RGS7: variants seen among roughly 807,000 people sequenced by gnomAD.
RGS7 encodes the protein regulator of G-protein signaling 7.
Under a neutral mutation model 81.1 loss-of-function variants are expected in RGS7, and 27 were observed. The ratio of observed to expected loss-of-function variants is 0.33; its 90% CI spans 0.25 to 0.46. The LOEUF is 0.46. RGS7 is among the 20% of genes least tolerant of loss of function. The pLI is 1.00. For missense variants in RGS7, 396 were observed against 607.4 expected (o/e 0.65, Z 3.66); for synonymous variants, 208 against 207.7 (o/e 1.00, Z -0.01).
chr1:240,996,582 G>A (rs1448515707), intron 3 of RGS7, among the ~76,000 whole-genome samples: 1 of 152,048 alleles, frequency 6.6e-6, no homozygotes, highest in Non-Finnish European at 1.5e-5. Flanking sequence ...TTTCCTTGTG[G>A]TGACGTCTGC....
At chr1:241,011,968 T>C (rs753954317) in intron 3 of RGS7, among the ~76,000 whole-genome samples, 1 of 152,168 alleles carries the variant, frequency 6.6e-6, no homozygotes, top group Non-Finnish European at 1.5e-5. Flanking sequence ...AATAAAGCTG[T>C]TCTTTCTTAA....
At chr1:241,180,362 G>A (rs761017224) in intron 2 of RGS7, among the ~76,000 whole-genome samples, 2 of 151,792 alleles carry the variant, frequency 1.3e-5, no homozygotes, top group Non-Finnish European at 2.9e-5. Flanking sequence ...GCAACAGAGC[G>A]AGACTCCATC....
rs116986517 is a variant in RGS7 at position 240,995,750 on chromosome 1, A to G, written c.176-12621T>C. Among the ~76,000 whole-genome samples, 616 of 149,852 alleles carry G rather than the reference A, an allele frequency of 4.1e-3. 10 individuals are homozygous for G. The East Asian group carries it at 0.057, about 14-fold the overall frequency. On this transcript the variant is annotated intron_variant, in intron 3 of 18. Coordinates refer to ENST00000440928, the MANE Select transcript of RGS7 (RefSeq NM_001364886.1). The stretch of plus-strand genomic sequence containing the variant: ...TTGTTACAGAACTGTCAATTTATCA[A>G]TTTTTATAAAGAACCAGCTCTTTGT...
chr1:241,345,010 A>G (rs2082797995), intron 2 of RGS7, among the ~76,000 whole-genome samples: 1 of 152,264 alleles, frequency 6.6e-6, no homozygotes, highest in South Asian at 2.1e-4. Context: ...CAGACTGGAT[A>G]AAGAAAAATG....
intron 18 of RGS7, among the ~76,000 whole-genome samples, chr1:240,796,364 A>G (rs983047334): frequency 6.6e-6 from 1 of 152,168 alleles, no homozygotes; most frequent in African/African-American, 2.4e-5. Flanking sequence ...GCTCCTATCA[A>G]CATTTAAACA....
At chr1:241,344,335 T>C (rs1204118053) in intron 2 of RGS7, among the ~76,000 whole-genome samples, 1 of 152,228 alleles carries the variant, frequency 6.6e-6, no homozygotes, top group African/African-American at 2.4e-5. Context: ...TAAAATAAGG[T>C]AAAGAAAATT....
chr1:241,208,648 G>A (rs2074066533), intron 2 of RGS7, among the ~76,000 whole-genome samples: 1 of 151,954 alleles, frequency 6.6e-6, no homozygotes, highest in Non-Finnish European at 1.5e-5. Flanking sequence ...TTTCACCTGT[G>A]TCCCCCTCCC....
At chr1:241,353,952 A>G (rs965354960) in intron 2 of RGS7, among the ~76,000 whole-genome samples, 1 of 152,136 alleles carries the variant, frequency 6.6e-6, no homozygotes, top group African/African-American at 2.4e-5. Flanking sequence ...TGACTGAATG[A>G]CACACACTAG....
At chr1:240,901,197 C>T (rs1484474033) in intron 6 of RGS7, among the ~76,000 whole-genome samples, 1 of 152,198 alleles carries the variant, frequency 6.6e-6, no homozygotes, top group East Asian at 1.9e-4. Flanking sequence ...TCTATCACAG[C>T]TTCCCTTGGC....
chr1:241,202,025 C>G (rs939449792), intron 2 of RGS7, among the ~76,000 whole-genome samples: 1 of 151,570 alleles, frequency 6.6e-6, no homozygotes, highest in African/African-American at 2.4e-5. Context: ...CACACACACA[C>G]ACACACACAC....
At chr1:240,884,543 T>C (rs1361038215) in intron 6 of RGS7, among the ~76,000 whole-genome samples, 1 of 152,180 alleles carries the variant, frequency 6.6e-6, no homozygotes, top group African/African-American at 2.4e-5. Context: ...AGCATGGTAT[T>C]GGTACAAAAA....
intron 6 of RGS7, among the ~76,000 whole-genome samples, chr1:240,908,581 T>TCCC (rs1423275789): frequency 6.6e-6 from 1 of 152,058 alleles, no homozygotes; most frequent in Admixed American, 6.5e-5. Context: ...ACCCTCTACC[T>TCCC]CCCTTCCACT....
intron 2 of RGS7, among the ~76,000 whole-genome samples, chr1:241,238,524 CCTCT>C (rs200538600): frequency 1.3e-5 from 2 of 151,564 alleles, no homozygotes; most frequent in East Asian, 1.9e-4. Context: ...CTTTACTCAC[CCTCT>C]CTCTCTTTTT....
intron 18 of RGS7, among the ~76,000 whole-genome samples, chr1:240,786,798 C>T (rs925893149): frequency 6.6e-6 from 1 of 152,106 alleles, no homozygotes; most frequent in African/African-American, 2.4e-5. Flanking sequence ...TTTTAACATT[C>T]GTATAACATT....
At chr1:240,947,978 C>A (rs261798) in intron 4 of RGS7, among the ~76,000 whole-genome samples, 147,018 of 152,184 alleles carry the variant, frequency 0.97, 71,123 homozygotes, top group East Asian at 0.99. Flanking sequence ...AGGCTCTCTG[C>A]CTGGAATGCT....
intron 2 of RGS7, among the ~76,000 whole-genome samples, chr1:241,110,800 C>A (rs1243621207): frequency 6.6e-6 from 1 of 151,716 alleles, no homozygotes; most frequent in Non-Finnish European, 1.5e-5. Context: ...AGTGATTCTC[C>A]TGTCTCAGCC....
intron 2 of RGS7, among the ~76,000 whole-genome samples, chr1:241,118,995 A>C (rs2066059292): frequency 6.6e-6 from 1 of 152,208 alleles, no homozygotes; most frequent in Non-Finnish European, 1.5e-5. Flanking sequence ...TATGCAATAT[A>C]CCCATTTAAC....
intron 3 of RGS7, among the ~76,000 whole-genome samples, chr1:241,095,975 T>C (rs74150214): frequency 0.056 from 8,490 of 152,262 alleles, 278 homozygotes; most frequent in Admixed American, 0.078. Flanking sequence ...GAGCACAAAT[T>C]GGTAACTTGA....
In RGS7 at chr1:241,061,505, G is replaced by A. The variant is rs182175687; in HGVS notation, c.175+37161C>T. The stretch of plus-strand genomic sequence containing the variant: ...TTTAATATGATTTTTATTATGTGGG[G>A]TTACACAATAGTTTGGTCTCCCCAA... On this transcript the variant is annotated intron_variant, in intron 3 of 18. Transcript: ENST00000440928. Among the ~76,000 whole-genome samples the A allele has an allele frequency of 2.0e-5, 3 of 152,258 alleles. No homozygotes were observed. The East Asian group carries it at 5.8e-4, about 29-fold the overall frequency.
Sources: allele counts gnomAD v4.1 joint callset (sites outside exome capture counted in the v4.1 genomes callset), GRCh38; gene constraint gnomAD v4.1.1; transcripts MANE v1.5; gene names NCBI Gene and HGNC (gene_info 2026-07-23, HGNC 2026-07-21).